LDLRAD4: variants seen among roughly 807,000 people sequenced by gnomAD.
LDLRAD4 encodes low density lipoprotein receptor class A domain containing 4, also known as low-density lipoprotein receptor class A domain-containing protein 4.
LDLRAD4 carries 5 observed loss-of-function variants against 17.0 expected under a neutral mutation model. That is an observed-to-expected ratio of 0.29 (90% confidence interval 0.15 to 0.62). The LOEUF (loss-of-function observed/expected upper bound fraction) is 0.62. Among genes scored for constraint, LDLRAD4 ranks in the 20% least tolerant of loss-of-function variants. LDLRAD4 has a pLI of 0.84. For synonymous variants in LDLRAD4, 168 were observed against 171.8 expected (o/e 0.98, Z 0.17); for missense variants, 340 against 424.7 (o/e 0.80, Z 1.75).
At chr18:13,556,408 A>G (rs1288279768) in intron 3 of LDLRAD4, among the ~76,000 whole-genome samples, 2 of 152,228 alleles carry the variant, frequency 1.3e-5, no homozygotes, top group African/African-American at 4.8e-5. Context: ...TACCTGCAGT[A>G]TATCTAAGTC....
chr18:13,414,711 C>G (rs1488103639), intron 2 of LDLRAD4, among the ~76,000 whole-genome samples: 1 of 152,206 alleles, frequency 6.6e-6, no homozygotes, highest in African/African-American at 2.4e-5. Context: ...CCTTGCTGTC[C>G]TCAGCAGGAA....
chr18:13,485,186 T>A (rs1168240429), intron 3 of LDLRAD4, among the ~76,000 whole-genome samples: 1 of 152,246 alleles, frequency 6.6e-6, no homozygotes, highest in East Asian at 1.9e-4. Flanking sequence ...GGGGAGGACC[T>A]GCTTTGTGGG....
At chr18:13,480,268 A>G (rs8085466) in intron 3 of LDLRAD4, among the ~76,000 whole-genome samples, 109,220 of 152,124 alleles carry the variant, frequency 0.72, 39,346 homozygotes, top group Middle Eastern at 0.79. Flanking sequence ...AGCTATGAAA[A>G]GACATGGAGG....
intron 1 of LDLRAD4, among the ~76,000 whole-genome samples, chr18:13,248,750 C>A (rs753577290): frequency 1.3e-5 from 2 of 152,122 alleles, no homozygotes; most frequent in Admixed American, 1.3e-4. Context: ...TTTGTCATTT[C>A]TTTGTGCTGG....
chr18:13,577,094 A>G (rs1300179438), intron 3 of LDLRAD4, among the ~76,000 whole-genome samples: 1 of 150,102 alleles, frequency 6.7e-6, no homozygotes, highest in Non-Finnish European at 1.5e-5. Flanking sequence ...TTTTTTAAGT[A>G]TCCGAATTTG....
At position 13,567,988 on chromosome 18, in the gene LDLRAD4, A is replaced by G. The variant is rs191197578; in HGVS notation, c.182-53129A>G. The stretch of plus-strand genomic sequence containing the variant: ...AACCCACAAGCAGTTATTGCCTCAC[A>G]TTAGAAACAAGTTTGGCCGGGCACT... On this transcript the variant is annotated intron_variant, in intron 3 of 5. Coordinates refer to ENST00000359446, the Ensembl canonical transcript of LDLRAD4. 5.0e-3 allele frequency among the ~76,000 whole-genome samples: 752 copies of G among 150,808 alleles called. 5 individuals are homozygous for G. The highest frequency in any genetic ancestry group is 5.8e-3 in the Non-Finnish European group (393 of 67,910).
chr18:13,392,891 G>T (rs2086382494), intron 2 of LDLRAD4, among the ~76,000 whole-genome samples: 1 of 152,212 alleles, frequency 6.6e-6, no homozygotes, highest in Admixed American at 6.5e-5. Flanking sequence ...TAAAGGAGGA[G>T]GAGGGCAGTT....
rs888364382 is a variant in LDLRAD4 at position 13,387,769 on chromosome 18, A to G, written c.40+7A>G. On this transcript the variant is annotated splice_region_variant and intron_variant, in intron 2 of 5. Coordinates refer to ENST00000359446, the Ensembl canonical transcript of LDLRAD4. ...GCCACAAATGCTTTCACAGGTGAGC[A>G]TGCTCCAGGTAATCCGAGGCTTTGC... The G allele has an allele frequency of 6.2e-7, 1 of 1,613,260 alleles. No homozygotes were observed. The highest frequency in any genetic ancestry group is 8.5e-7 in the Non-Finnish European group (1 of 1,179,334).
At position 13,476,623 on chromosome 18, in the gene LDLRAD4, C is replaced by CAAAA. The variant is rs11388844; in HGVS notation, c.181+38250_181+38253dup. Among the ~76,000 whole-genome samples the CAAAA allele has an allele frequency of 3.6e-3, 522 of 146,296 alleles. 6 individuals are homozygous for CAAAA. Among genetic ancestry groups the CAAAA allele is most frequent in the African/African-American group, 0.012 (472 of 38,640 alleles). ...TGGGCAACAGAGCAAGAACCTGTCT[C>CAAAA]AAAAAAAAAAAAAATCCAGTCATAT... On this transcript the variant is annotated intron_variant, in intron 3 of 5. Transcript: ENST00000359446.
chr18:13,260,539 G>T (rs2043758293), intron 1 of LDLRAD4, among the ~76,000 whole-genome samples: 2 of 152,230 alleles, frequency 1.3e-5, no homozygotes, highest in Non-Finnish European at 2.9e-5. Flanking sequence ...CCCGTTCAGG[G>T]TGACTGGGGC....
chr18:13,623,535 GC>G (rs1358164160), intron 4 of LDLRAD4, among the ~76,000 whole-genome samples: 2 of 152,332 alleles, frequency 1.3e-5, no homozygotes, highest in African/African-American at 4.8e-5. Context: ...TACGGCTTCA[GC>G]GTAGCTTAGC....
At chr18:13,492,117 A>G (rs2093370318) in intron 3 of LDLRAD4, among the ~76,000 whole-genome samples, 1 of 152,160 alleles carries the variant, frequency 6.6e-6, no homozygotes, top group Non-Finnish European at 1.5e-5. Flanking sequence ...AAGACCCAAG[A>G]CACCAAGACA....
chr18:13,318,948 G>A lies in LDLRAD4; in HGVS notation c.-383+40760G>A, dbSNP rs920676503. 2.6e-5 allele frequency among the ~76,000 whole-genome samples: 4 copies of A among 152,152 alleles called. No individual in the cohort carries two copies. The South Asian group carries it at 6.2e-4, about 24-fold the overall frequency. On this transcript the variant is annotated intron_variant, in intron 1 of 5. Transcript: ENST00000359446. ...ACTCGCTGTCCCCTTCCTTTGTTGC[G>A]CAGCTTTCTGGCTTTAAATGAGGAG...
intron 3 of LDLRAD4, among the ~76,000 whole-genome samples, chr18:13,500,243 G>A (rs867773972): frequency 2.0e-5 from 3 of 146,446 alleles, no homozygotes; most frequent in East Asian, 1.9e-4. Context: ...CTGACGGCCC[G>A]GGAATAGCAG....
At chr18:13,610,056 C>CAGTA (rs1217435730) in intron 3 of LDLRAD4, among the ~76,000 whole-genome samples, 1 of 152,028 alleles carries the variant, frequency 6.6e-6, no homozygotes, top group Non-Finnish European at 1.5e-5. Flanking sequence ...TAGCCAAACA[C>CAGTA]AGTAAGTGTG....
intron 3 of LDLRAD4, among the ~76,000 whole-genome samples, chr18:13,564,137 C>G (rs1253238262): frequency 6.6e-6 from 1 of 152,204 alleles, no homozygotes; most frequent in African/African-American, 2.4e-5. Context: ...AACTCCTGGC[C>G]TCCCAAATTG....
intron 1 of LDLRAD4, among the ~76,000 whole-genome samples, chr18:13,327,174 G>A (rs2081581238): frequency 6.6e-6 from 1 of 152,026 alleles, no homozygotes; most frequent in African/African-American, 2.4e-5. Flanking sequence ...CTTCTGCATG[G>A]TTATCCATTG....
chr18:13,244,256 ATTC>A (rs1180490133), intron 1 of LDLRAD4, among the ~76,000 whole-genome samples: 1 of 149,856 alleles, frequency 6.7e-6, no homozygotes, highest in Non-Finnish European at 1.5e-5. Context: ...TCACCCACTC[ATTC>A]TTCTATCCAT....
At chr18:13,352,601 C>A (rs11661389) in intron 1 of LDLRAD4, among the ~76,000 whole-genome samples, 9,566 of 152,158 alleles carry the variant, frequency 0.063, 354 homozygotes, top group South Asian at 0.095. Flanking sequence ...TGTTAAATTT[C>A]TCGGATTTGT....
Sources: allele counts gnomAD v4.1 joint callset (sites outside exome capture counted in the v4.1 genomes callset), GRCh38; gene constraint gnomAD v4.1.1; transcripts MANE v1.5; gene names NCBI Gene and HGNC (gene_info 2026-07-23, HGNC 2026-07-21).